Variants in PADI3 observed in about 807,000 individuals in gnomAD.
PADI3 encodes peptidyl arginine deiminase 3, also known as protein-arginine deiminase type-3.
PADI3 carries 53 observed loss-of-function variants against 71.5 expected under a neutral mutation model. The ratio of observed to expected loss-of-function variants is 0.74; its 90% CI spans 0.59 to 0.93. The LOEUF (loss-of-function observed/expected upper bound fraction) is 0.93, where lower values mean the gene tolerates loss of function less well. PADI3 is among the 40% of genes least tolerant of loss of function. The probability of loss-of-function intolerance (pLI) is 0.00; values close to 1 mark genes in which losing one functional copy is unlikely to be tolerated. For missense variants in PADI3, 821 were observed against 868.0 expected (o/e 0.95, Z 0.68); for synonymous variants, 361 against 347.5 (o/e 1.04, Z -0.43).
At chr1:17,249,414 G>A (rs1354055812) in intron 1 of PADI3, among the ~76,000 whole-genome samples, 185 bp downstream of exon 1, 5 of 152,138 alleles carry the variant, frequency 3.3e-5, no homozygotes, top group African/African-American at 9.7e-5. Flanking sequence ...CTTAGCCAGG[G>A]AATTTGAAGT....
rs2073189865 is a variant in PADI3 at position 17,267,769 on chromosome 1, G to A, written c.527-68G>A. ...TACCCACTGACCTGGGGAGGGAGCT[G>A]GGCAGCAGAGGAAGGGGCCAGGGGC... On this transcript the variant is annotated intron_variant, in intron 5 of 15. Coordinates refer to ENST00000375460, the MANE Select transcript of PADI3 (RefSeq NM_016233.2). 13 of 1,584,304 alleles carry A rather than the reference G, an allele frequency of 8.2e-6. No individual in the cohort carries two copies. In the South Asian group the frequency reaches 1.2e-4, roughly 15 times the overall value.
chr1:17,262,080 G>C, intron 2 of PADI3, 53 bp from the exon 3 acceptor site: 1 of 1,514,300 alleles, frequency 6.6e-7, no homozygotes. Flanking sequence ...CTATCTTTTG[G>C]GGCGGGAGCT....
At chr1:17,272,273 C>G (rs1430661848) in intron 9 of PADI3, among the ~76,000 whole-genome samples, 4 of 152,010 alleles carry the variant, frequency 2.6e-5, no homozygotes, top group African/African-American at 4.8e-5. Flanking sequence ...TGTGTGTTCT[C>G]CTCTGTCAGG....
intron 11 of PADI3, 98 bp downstream of exon 11, chr1:17,274,884 G>A (rs1282555663): frequency 8.0e-7 from 1 of 1,251,256 alleles, no homozygotes; most frequent in African/African-American, 1.5e-5. Context: ...CTTGAAGAGA[G>A]CCAGAAGCAA....
Position 17,274,759 on chromosome 1 carries a change from G to T in PADI3, c.1280G>T (p.Arg427Met). 1.2e-6 allele frequency: 2 copies of T among 1,613,906 alleles called. No homozygotes were observed. Among genetic ancestry groups the T allele is most frequent in the Non-Finnish European group, 1.7e-6 (2 of 1,179,860 alleles). Residue 427 changes from arginine (R) to methionine (M), a missense_variant, in exon 11 of 16, where the codon AGG (arginine) becomes ATG (methionine). Coordinates refer to ENST00000375460, the MANE Select transcript of PADI3 (RefSeq NM_016233.2). ...VANGKEYPLG[R>M]ILIGGNLPGS... Reference sequence around the variant, plus strand: ...AATGGGAAAGAGTACCCCCTGGGGAGGATCCTCATTGGGGGCAACCTGCCT... The same window carrying T: ...AATGGGAAAGAGTACCCCCTGGGGATGATCCTCATTGGGGGCAACCTGCCT...
chr1:17,263,740 C>A lies in PADI3; in HGVS notation c.346+1535C>A, dbSNP rs74227529. 3.1e-3 allele frequency among the ~76,000 whole-genome samples: 465 copies of A among 152,256 alleles called. 25 individuals are homozygous for A. The East Asian group carries it at 0.084, about 27-fold the overall frequency. On this transcript the variant is annotated intron_variant, in intron 3 of 15. Coordinates refer to ENST00000375460, the MANE Select transcript of PADI3 (RefSeq NM_016233.2). ...AGAAATCTGCAATGCATACGGCTGA[C>A]TTGGTGCATATAGAATATGAAGAAC... is the stretch of plus-strand genomic sequence containing the variant.
chr1:17,270,377 C>T lies in PADI3; in HGVS notation c.797C>T (p.Ser266Phe), dbSNP rs1451993162. The part of the protein sequence containing the change: ...FPDAGFTGLI[S>F]FHVTLLDDSN... ...GATGCCGGCTTCACAGGACTCATCT[C>T]CTTCCATGTCACTCTGCTGGACGAC... Residue 266 changes from serine (S) to phenylalanine (F), a missense_variant, in exon 7 of 16, where the codon TCC becomes TTC. Coordinates refer to ENST00000375460, the MANE Select transcript of PADI3 (RefSeq NM_016233.2). 6.2e-7 allele frequency: 1 copy of T among 1,613,826 alleles called. No individual in the cohort carries two copies. The highest frequency in any genetic ancestry group is 1.7e-5 in the Admixed American group (1 of 59,978).
chr1:17,262,082 G>A (rs1314550185), intron 2 of PADI3, 51 bp from the exon 3 acceptor site: 3 of 1,526,560 alleles, frequency 2.0e-6, no homozygotes, highest in Admixed American at 3.4e-5. Flanking sequence ...ATCTTTTGGG[G>A]CGGGAGCTCT....
Position 17,267,863 on chromosome 1 carries a change from C to T in PADI3, c.553C>T (p.Leu185=), listed in dbSNP as rs746060897. The T allele has an allele frequency of 1.9e-6, 3 of 1,614,100 alleles. No individual in the cohort carries two copies. The East Asian group carries it at 6.7e-5, about 36-fold the overall frequency. The change falls in exon 6 of 16, where the codon CTG becomes TTG. Residue 185 remains leucine, a synonymous_variant. Coordinates refer to ENST00000375460, the MANE Select transcript of PADI3 (RefSeq NM_016233.2). Reference sequence around the variant, plus strand: ...CCTGGAAGACATGTCTGTCATGGTCCTGCGGACGCAGGGCCCTGCAGCCCT... The same window carrying T: ...CCTGGAAGACATGTCTGTCATGGTCTTGCGGACGCAGGGCCCTGCAGCCCT... ...QDLEDMSVMV[L]RTQGPAALFD...
chr1:17,275,608 C>T (rs2073319764), intron 11 of PADI3, among the ~76,000 whole-genome samples: 1 of 152,080 alleles, frequency 6.6e-6, no homozygotes, highest in African/African-American at 2.4e-5. Context: ...AGTGAAATGA[C>T]AATAACATAC....
At position 17,268,876 on chromosome 1, in the gene PADI3, CTAAATCTGACTTTTTTTT is replaced by C. The variant is rs2073207376; in HGVS notation, c.652+916_652+933del. On this transcript the variant is annotated intron_variant, in intron 6 of 15. Transcript: ENST00000375460. ...AAACCTGAGAGTTCTCTACCCGTCT[CTAAATCTGACTTTTTTTT>C]TTTTTTTTTGAGTCAAGGTCTTGCT... Among the ~76,000 whole-genome samples, 6 of 146,946 alleles carry C rather than the reference CTAAATCTGACTTTTTTTT, an allele frequency of 4.1e-5. No individual in the cohort carries two copies. The Admixed American group carries it at 4.1e-4, about 10-fold the overall frequency.
chr1:17,263,036 T>C (rs1306479353), intron 3 of PADI3, among the ~76,000 whole-genome samples: 4 of 152,220 alleles, frequency 2.6e-5, no homozygotes, highest in East Asian at 1.9e-4. Flanking sequence ...TACCTCAGCC[T>C]CCTGAGTAGC....
At position 17,270,323 on chromosome 1, in the gene PADI3, G is replaced by C. The variant is rs148352617; in HGVS notation, c.743G>C (p.Arg248Pro). 6.2e-7 allele frequency: 1 copy of C among 1,613,920 alleles called. No homozygotes were observed. Among genetic ancestry groups the C allele is most frequent in the Non-Finnish European group, 8.5e-7 (1 of 1,179,976 alleles). The change falls in exon 7 of 16, where the codon CGC (arginine) becomes CCC (proline). Residue 248 changes from arginine (R) to proline (P), a missense_variant. Arg to Pro is a moderately radical substitution (Grantham distance 103). Coordinates refer to ENST00000375460, the MANE Select transcript of PADI3 (RefSeq NM_016233.2). ...EVPRLHGDEE[R>P]FFVEGLSFPD... ...CCCCGCTTGCATGGGGATGAGGAGC[G>C]CTTCTTCGTGGAAGGCCTGTCCTTC... is the stretch of plus-strand genomic sequence containing the variant.
intron 15 of PADI3, among the ~76,000 whole-genome samples, chr1:17,282,440 C>T (rs1321543234): frequency 1.3e-5 from 2 of 152,162 alleles, no homozygotes; most frequent in South Asian, 2.1e-4. Context: ...GACACTGACA[C>T]GGGCAGAGAC....
intron 10 of PADI3, among the ~76,000 whole-genome samples, chr1:17,274,162 T>C (rs571903734): frequency 6.6e-6 from 1 of 152,352 alleles, no homozygotes; most frequent in East Asian, 1.9e-4. Context: ...CTTGATGTTG[T>C]CGAAGTTGCT....
chr1:17,276,944 GC>G (rs1185390952), intron 13 of PADI3, 68 bp downstream of exon 13: 1 of 1,348,534 alleles, frequency 7.4e-7, no homozygotes, highest in Non-Finnish European at 1.0e-6. Context: ...ACACATCATG[GC>G]TTGAGAGGGG....
chr1:17,254,560 T>A (rs1177448659), intron 1 of PADI3, among the ~76,000 whole-genome samples: 1 of 152,016 alleles, frequency 6.6e-6, no homozygotes, highest in Non-Finnish European at 1.5e-5. Flanking sequence ...TTCTCATCTG[T>A]AAAGTGGGGA....
At chr1:17,257,267 C>T (rs2100560709) in intron 1 of PADI3, among the ~76,000 whole-genome samples, 1 of 152,334 alleles carries the variant, frequency 6.6e-6, no homozygotes, top group Middle Eastern at 3.4e-3. Flanking sequence ...CTCCCTGGTT[C>T]TGCCATTTCC....
chr1:17,280,482 G>A (rs924281766), intron 14 of PADI3, 53 bp downstream of exon 14: 52 of 1,533,666 alleles, frequency 3.4e-5, no homozygotes, highest in Middle Eastern at 1.7e-4. Context: ...AGGCGGGGCT[G>A]GAGGCAAGGA....
Sources: gnomAD v4.1 joint callset for allele counts (sites outside exome capture counted in the v4.1 genomes callset) on GRCh38, gnomAD v4.1.1 for gene constraint, MANE v1.5 for transcripts, NCBI Gene and HGNC (gene_info 2026-07-23, HGNC 2026-07-21) for gene names.